The following KCNK10 variants were observed in gnomAD, a reference collection of about 807,000 sequenced individuals.
The protein encoded by KCNK10 is potassium two pore domain channel subfamily K member 10, also known as potassium channel subfamily K member 10.
KCNK10 carries 25 observed loss-of-function variants against 47.7 expected under a neutral mutation model. That is an observed-to-expected ratio of 0.52 (90% CI 0.38 to 0.73). KCNK10 has a LOEUF of 0.73. Ranked by LOEUF, KCNK10 falls within the 30% of genes least tolerant of loss-of-function variation. The pLI is 0.00. For synonymous variants in KCNK10, 303 were observed against 285.6 expected, an observed-to-expected ratio of 1.06 and a Z score of -0.61; for missense variants, 563 against 714.5, an observed-to-expected ratio of 0.79 and a Z score of 2.42.
chr14:88,280,558 A>T (rs1352568932), intron 1 of KCNK10, among the ~76,000 whole-genome samples: 4 of 152,114 alleles, frequency 2.6e-5, no homozygotes, highest in Non-Finnish European at 5.9e-5. Context: ...GGTGTGTCTC[A>T]TGCTTAGTAA....
At chr14:88,293,320 T>C (rs1290743324) in intron 1 of KCNK10, among the ~76,000 whole-genome samples, 1 of 152,162 alleles carries the variant, frequency 6.6e-6, no homozygotes, top group Non-Finnish European at 1.5e-5. Context: ...CAATTGACAT[T>C]CCCACTCAGA....
At chr14:88,189,321 T>G (rs1884673886) in intron 5 of KCNK10, among the ~76,000 whole-genome samples, 2 of 152,192 alleles carry the variant, frequency 1.3e-5, no homozygotes, top group African/African-American at 4.8e-5. Context: ...TTGGTGCAGC[T>G]GCTTTTGGTT....
intron 1 of KCNK10, among the ~76,000 whole-genome samples, chr14:88,293,266 T>C (rs960994238): frequency 3.9e-5 from 6 of 152,204 alleles, no homozygotes; most frequent in Admixed American, 3.3e-4. Flanking sequence ...AATATATATT[T>C]CCAGCTCTAC....
At chr14:88,244,775 G>C (rs2139895556) in intron 2 of KCNK10, among the ~76,000 whole-genome samples, 1 of 152,336 alleles carries the variant, frequency 6.6e-6, no homozygotes, top group South Asian at 2.1e-4. Flanking sequence ...ACTGAGCTCG[G>C]AACAGTTTAG....
At chr14:88,280,100 C>T (rs1887616595) in intron 1 of KCNK10, among the ~76,000 whole-genome samples, 1 of 152,084 alleles carries the variant, frequency 6.6e-6, no homozygotes, top group African/African-American at 2.4e-5. Flanking sequence ...TGGGTGATAC[C>T]CATCCTAAAA....
intron 3 of KCNK10, among the ~76,000 whole-genome samples, chr14:88,231,911 T>C (rs1286764803): frequency 1.3e-5 from 2 of 152,246 alleles, no homozygotes; most frequent in Non-Finnish European, 2.9e-5. Context: ...GCGCTGCTTT[T>C]CAGAAAAGAT....
chr14:88,301,667 G>GA, intron 1 of KCNK10, among the ~76,000 whole-genome samples: 2 of 146,830 alleles, frequency 1.4e-5, no homozygotes, highest in African/African-American at 2.5e-5. Context: ...AAAAAAAAGA[G>GA]GTCCCGTAAA....
intron 2 of KCNK10, among the ~76,000 whole-genome samples, chr14:88,241,995 G>C (rs922418960): frequency 1.4e-5 from 2 of 147,868 alleles, no homozygotes; most frequent in African/African-American, 4.9e-5. Flanking sequence ...GGTGAACTGG[G>C]ATAAAAAAGC....
At chr14:88,315,001 C>G (rs181046612) in intron 1 of KCNK10, among the ~76,000 whole-genome samples, 4 of 152,290 alleles carry the variant, frequency 2.6e-5, no homozygotes, top group African/African-American at 9.6e-5. Flanking sequence ...GAAGGGATCT[C>G]AACAACCAAC....
At chr14:88,306,091 C>T (rs1056523323) in intron 1 of KCNK10, among the ~76,000 whole-genome samples, 3 of 152,178 alleles carry the variant, frequency 2.0e-5, no homozygotes, top group East Asian at 1.9e-4. Flanking sequence ...TGAAGTGGTG[C>T]GAGCAGGAGG....
chr14:88,235,404 C>T, intron 3 of KCNK10: 1 of 344,734 alleles, frequency 2.9e-6, no homozygotes. Context: ...AAAATGTTTC[C>T]AAAATCAGAC....
intron 1 of KCNK10, among the ~76,000 whole-genome samples, chr14:88,308,557 T>C (rs558590913): frequency 2.0e-5 from 3 of 152,388 alleles, no homozygotes; most frequent in Admixed American, 6.5e-5. Flanking sequence ...CTAGAGTGTA[T>C]GTGTGTGCAC....
At chr14:88,208,742 A>T (rs1198570009) in intron 4 of KCNK10, among the ~76,000 whole-genome samples, 1 of 152,076 alleles carries the variant, frequency 6.6e-6, no homozygotes, top group South Asian at 2.1e-4. Flanking sequence ...ATTCCCTTTT[A>T]TTTTAACCAC....
chr14:88,231,124 T>TAACG (rs1566694560), intron 3 of KCNK10, among the ~76,000 whole-genome samples: 2 of 151,956 alleles, frequency 1.3e-5, no homozygotes, highest in African/African-American at 4.8e-5. Context: ...AAAAAAAATT[T>TAACG]TTTTAATTAG....
upstream of KCNK10, among the ~76,000 whole-genome samples, chr14:88,325,018 TC>T (rs1888632009): frequency 6.6e-6 from 1 of 152,138 alleles, no homozygotes; most frequent in South Asian, 2.1e-4. Flanking sequence ...TTAGGCAGGT[TC>T]CCGGGTGCTT....
At chr14:88,281,537 AC>A (rs1363584201) in intron 1 of KCNK10, among the ~76,000 whole-genome samples, 2 of 152,060 alleles carry the variant, frequency 1.3e-5, no homozygotes, top group African/African-American at 2.4e-5. Flanking sequence ...TTGGACCTGA[AC>A]TGAAATATCG....
intron 3 of KCNK10, among the ~76,000 whole-genome samples, chr14:88,234,428 C>T (rs1294529125): frequency 2.6e-5 from 4 of 152,110 alleles, no homozygotes; most frequent in Non-Finnish European, 4.4e-5. Flanking sequence ...TGGATTTCAC[C>T]TAGAAACAAC....
In KCNK10 at chr14:88,270,748, G is replaced by A. The variant is rs917770350; in HGVS notation, c.53-7197C>T. 5.1e-6 allele frequency: 4 copies of A among 780,860 alleles called. No individual in the cohort carries two copies. The African/African-American group carries it at 6.8e-5, about 13-fold the overall frequency. 48.4% of individuals were successfully genotyped at this position (780,860 alleles called of 1,614,324 possible). A position where few individuals can be genotyped will look rare whatever the true frequency, so the allele number is the denominator to read the frequency against. Reference sequence around the variant, plus strand: ...CCCATCTTCTCTCACCTGAATCACTGCGACAGCCTTCAGTCCTGTCCCCCT... The same window carrying A: ...CCCATCTTCTCTCACCTGAATCACTACGACAGCCTTCAGTCCTGTCCCCCT... On this transcript the variant is annotated intron_variant, in intron 1 of 6. Coordinates refer to ENST00000319231, the MANE Select transcript of KCNK10 (RefSeq NM_138317.3).
intron 1 of KCNK10, among the ~76,000 whole-genome samples, chr14:88,272,651 G>A (rs537873116): frequency 6.6e-6 from 1 of 152,182 alleles, no homozygotes; most frequent in East Asian, 1.9e-4. Flanking sequence ...TTATTAATGA[G>A]CGTGGGAAGC....
Sources: allele counts gnomAD v4.1 joint callset (sites outside exome capture counted in the v4.1 genomes callset), GRCh38; gene constraint gnomAD v4.1.1; transcripts MANE v1.5; gene names NCBI Gene and HGNC (gene_info 2026-07-23, HGNC 2026-07-21).